Variants in ARHGAP26 observed in about 807,000 individuals in gnomAD.
The protein encoded by ARHGAP26 is Rho GTPase activating protein 26.
In ARHGAP26, 38 loss-of-function variants were observed where a neutral mutation model predicts 104.8. The observed-to-expected ratio is 0.36, with a 90% CI of 0.28 to 0.48. The LOEUF (loss-of-function observed/expected upper bound fraction) is 0.48, where lower values mean the gene tolerates loss of function less well. Ranked by LOEUF, ARHGAP26 falls within the 20% of genes least tolerant of loss-of-function variation. The pLI is 0.99. For synonymous variants in ARHGAP26, 341 were observed against 340.0 expected (o/e 1.00, Z -0.03); for missense variants, 704 against 947.9 (o/e 0.74, Z 3.38).
intron 11 of ARHGAP26, among the ~76,000 whole-genome samples, chr5:142,954,992 T>A (rs1035615094): frequency 6.6e-6 from 1 of 152,076 alleles, no homozygotes; most frequent in Non-Finnish European, 1.5e-5. Context: ...ATAAAATGCA[T>A]TCTGGGCTGG....
intron 3 of ARHGAP26, among the ~76,000 whole-genome samples, chr5:142,878,189 C>T (rs1396986785): frequency 6.6e-6 from 1 of 152,126 alleles, no homozygotes; most frequent in East Asian, 1.9e-4. Context: ...AAAAATAATG[C>T]TTTGTTGCAG....
chr5:143,205,862 G>A (rs1003557632), intron 20 of ARHGAP26, among the ~76,000 whole-genome samples: 50 of 152,148 alleles, frequency 3.3e-4, no homozygotes, highest in African/African-American at 1.2e-3. Flanking sequence ...ACAGACACTG[G>A]ATATTTTAGA....
At chr5:142,854,303 C>G (rs1169045856) in intron 1 of ARHGAP26, among the ~76,000 whole-genome samples, 1 of 152,208 alleles carries the variant, frequency 6.6e-6, no homozygotes, top group African/African-American at 2.4e-5. Flanking sequence ...TGGGAATCTG[C>G]TTTGTTCCTC....
intron 6 of ARHGAP26, among the ~76,000 whole-genome samples, chr5:142,898,909 A>G (rs1267725356): frequency 6.6e-6 from 1 of 152,216 alleles, no homozygotes; most frequent in East Asian, 1.9e-4. Flanking sequence ...TTAGAACAAC[A>G]GAAATCTGTT....
At position 143,040,835 on chromosome 5, in the gene ARHGAP26, G is replaced by A. The variant is rs1783355858; in HGVS notation, c.1211-981G>A. ...CCAGTGTGTGGAGCAGAATGCATGT[G>A]GTCAATGATGCAATCAGAGGTAGTC... On this transcript the variant is annotated intron_variant, in intron 13 of 22. Coordinates refer to ENST00000645722, the MANE Select transcript of ARHGAP26 (RefSeq NM_001135608.3). Among the ~76,000 whole-genome samples, 3 of 152,316 alleles carry A rather than the reference G, an allele frequency of 2.0e-5. No homozygotes were observed. In the South Asian group the frequency reaches 6.2e-4, roughly 32 times the overall value.
intron 20 of ARHGAP26, among the ~76,000 whole-genome samples, chr5:143,191,536 A>G (rs1805923143): frequency 6.6e-6 from 1 of 152,252 alleles, no homozygotes; most frequent in Non-Finnish European, 1.5e-5. Flanking sequence ...ACTTTATTCT[A>G]TATACTAATA....
At chr5:143,093,652 C>A (rs960019986) in intron 17 of ARHGAP26, among the ~76,000 whole-genome samples, 1 of 151,818 alleles carries the variant, frequency 6.6e-6, no homozygotes, top group African/African-American at 2.4e-5. Flanking sequence ...TTCTCTCTTT[C>A]TTTCCTCTCT....
At chr5:142,930,378 G>A (rs955239416) in intron 10 of ARHGAP26, among the ~76,000 whole-genome samples, 1 of 152,182 alleles carries the variant, frequency 6.6e-6, no homozygotes, top group Non-Finnish European at 1.5e-5. Flanking sequence ...TGGGCACTTG[G>A]TTGGGTCTGA....
chr5:142,943,622 C>T (rs969209262), intron 11 of ARHGAP26, among the ~76,000 whole-genome samples: 3 of 152,154 alleles, frequency 2.0e-5, no homozygotes, highest in Non-Finnish European at 4.4e-5. Context: ...TGGGGGAAGG[C>T]ACACACATTT....
rs138296560 is a variant in ARHGAP26 at position 143,091,583 on chromosome 5, C to T, written c.1539-29405C>T. Among the ~76,000 whole-genome samples the T allele has an allele frequency of 2.8e-3, 429 of 152,256 alleles. 3 individuals are homozygous for T. The highest frequency in any genetic ancestry group is 9.9e-3 in the African/African-American group (412 of 41,546). On this transcript the variant is annotated intron_variant, in intron 17 of 22. Coordinates refer to ENST00000645722, the MANE Select transcript of ARHGAP26 (RefSeq NM_001135608.3). ...CAGTGCTTCCTGTATGACTTTTATA[C>T]CAGATAAACTAAATTTCACCTTTAT...
In ARHGAP26 at chr5:142,867,486, C is replaced by T. The variant is rs528575528; in HGVS notation, c.155-5914C>T. Among the ~76,000 whole-genome samples the T allele has an allele frequency of 1.1e-3, 174 of 152,282 alleles. 1 individual carries two copies. Among genetic ancestry groups the T allele is most frequent in the South Asian group, 6.8e-3 (33 of 4,826 alleles). On this transcript the variant is annotated intron_variant, in intron 1 of 22. Coordinates refer to ENST00000645722, the MANE Select transcript of ARHGAP26 (RefSeq NM_001135608.3). Reference sequence around the variant, plus strand: ...ATGGGGAGTCGTTGGAAATGCCTCTCTCCAAGCACAGTTTCTGATTGGATA... The same window carrying T: ...ATGGGGAGTCGTTGGAAATGCCTCTTTCCAAGCACAGTTTCTGATTGGATA...
rs1755595441 is a variant in ARHGAP26, at chr5:142,873,259, T to G, written c.155-141T>G. ...TAACCAAGTGTTGACTATTTTGAAT[T>G]TATATTCTTTTGTGCTTTGAAATGG... On this transcript the variant is annotated intron_variant, in intron 1 of 22. Transcript: ENST00000645722. 2.0e-5 allele frequency: 12 copies of G among 610,668 alleles called. No homozygotes were observed. The South Asian group carries it at 2.5e-4, about 13-fold the overall frequency. 37.8% of individuals were successfully genotyped at this position (610,668 alleles called of 1,614,324 possible).
intron 17 of ARHGAP26, 57 bp from the exon 18 acceptor site, chr5:143,120,931 G>T: frequency 6.5e-7 from 1 of 1,530,174 alleles, no homozygotes; most frequent in Non-Finnish European, 8.9e-7. Flanking sequence ...CAGGGTGGTT[G>T]GTATCTCTGT....
At position 143,019,168 on chromosome 5, in the gene ARHGAP26, A is replaced by T. The variant is rs1779969142; in HGVS notation, c.1144+5052A>T. On this transcript the variant is annotated intron_variant, in intron 12 of 22. Coordinates refer to ENST00000645722, the MANE Select transcript of ARHGAP26 (RefSeq NM_001135608.3). Reference sequence around the variant, plus strand: ...CAGGAATCTATATCAGTGACACCAGATTCTCTAATTTGTCAAACTCTTACC... The same window carrying T: ...CAGGAATCTATATCAGTGACACCAGTTTCTCTAATTTGTCAAACTCTTACC... Among the ~76,000 whole-genome samples, 11 of 152,226 alleles carry T rather than the reference A, an allele frequency of 7.2e-5. No individual in the cohort carries two copies. The South Asian group carries it at 2.3e-3, about 31-fold the overall frequency.
chr5:143,144,594 A>G (rs952630008), intron 19 of ARHGAP26, among the ~76,000 whole-genome samples: 8 of 151,882 alleles, frequency 5.3e-5, no homozygotes, highest in Admixed American at 1.3e-4. Context: ...TTTTGTAGAG[A>G]TGGGGGTCTC....
chr5:143,075,629 G>A (rs1399636744), intron 17 of ARHGAP26, among the ~76,000 whole-genome samples: 1 of 152,136 alleles, frequency 6.6e-6, no homozygotes, highest in East Asian at 1.9e-4. Context: ...TTACACTAAA[G>A]TTTGGGAACT....
At chr5:142,864,582 A>G (rs779111148) in intron 1 of ARHGAP26, among the ~76,000 whole-genome samples, 5 of 152,098 alleles carry the variant, frequency 3.3e-5, no homozygotes, top group African/African-American at 4.8e-5. Flanking sequence ...TGATCTGGTG[A>G]CTCAATGAGG....
chr5:143,083,293 C>G (rs77541730), intron 17 of ARHGAP26, among the ~76,000 whole-genome samples: 34 of 152,312 alleles, frequency 2.2e-4, no homozygotes, highest in African/African-American at 7.9e-4. Flanking sequence ...ATCGCAGTAA[C>G]CGGCCTAATG....
rs768795197 is a variant in ARHGAP26, at chr5:143,225,360, T to A, written c.*2914T>A. 1 of 182,922 alleles carries A rather than the reference T, an allele frequency of 5.5e-6. No homozygotes were observed. Among genetic ancestry groups the A allele is most frequent in the Non-Finnish European group, 1.2e-5 (1 of 86,082 alleles). 11.3% of individuals were successfully genotyped at this position (182,922 alleles called of 1,614,324 possible). Reference sequence around the variant, plus strand: ...GAGCCATCACACCCAGCTAGTTTTTTGTATTTTTAGTAAAGATGGGGTTTT... The same window carrying A: ...GAGCCATCACACCCAGCTAGTTTTTAGTATTTTTAGTAAAGATGGGGTTTT... On this transcript the variant is annotated 3_prime_UTR_variant, in exon 23 of 23. Coordinates refer to ENST00000645722, the MANE Select transcript of ARHGAP26 (RefSeq NM_001135608.3).
Sources: gnomAD v4.1 joint callset for allele counts (sites outside exome capture counted in the v4.1 genomes callset) on GRCh38, gnomAD v4.1.1 for gene constraint, MANE v1.5 for transcripts, NCBI Gene and HGNC (gene_info 2026-07-23, HGNC 2026-07-21) for gene names.